Variants in PPP2R2B observed in about 807,000 individuals in gnomAD.
PPP2R2B encodes the protein serine/threonine-protein phosphatase 2A 55 kDa regulatory subunit B beta isoform.
In PPP2R2B, 5 loss-of-function variants were observed where a neutral mutation model predicts 46.0. That is an observed-to-expected ratio of 0.11 (90% CI 0.06 to 0.23). The LOEUF (loss-of-function observed/expected upper bound fraction) is 0.23, where lower values mean the gene tolerates loss of function less well. Among genes scored for constraint, PPP2R2B ranks in the 10% least tolerant of loss-of-function variants. The pLI is 1.00. For missense variants in PPP2R2B, 367 were observed against 575.0 expected, an observed-to-expected ratio of 0.64 and a Z score of 3.70; for synonymous variants, 215 against 206.7, an observed-to-expected ratio of 1.04 and a Z score of -0.34.
At position 146,768,871 on chromosome 5, in the gene PPP2R2B, G is replaced by A. The variant is rs1474546537; in HGVS notation, c.71-67729C>T. Among the ~76,000 whole-genome samples, 4 of 147,252 alleles carry A rather than the reference G, an allele frequency of 2.7e-5. No individual in the cohort carries two copies. In the East Asian group the frequency reaches 8.0e-4, roughly 29 times the overall value. On this transcript the variant is annotated intron_variant, in intron 2 of 9. Coordinates refer to ENST00000394411, the MANE Select transcript of PPP2R2B (RefSeq NM_181675.4). Reference sequence around the variant, plus strand: ...GTCAGCTTAACTATCTTATCGTCAGGCAAAGATTTGTTGTTACTTTTTTTT... The same window carrying A: ...GTCAGCTTAACTATCTTATCGTCAGACAAAGATTTGTTGTTACTTTTTTTT...
At chr5:146,983,824 T>C (rs181066470) in intron 1 of PPP2R2B, among the ~76,000 whole-genome samples, 4 of 152,174 alleles carry the variant, frequency 2.6e-5, no homozygotes, top group East Asian at 1.9e-4. Context: ...TCTTCTTTTA[T>C]AATTTTTTTT....
At chr5:146,754,225 A>G (rs193117058) in intron 2 of PPP2R2B, among the ~76,000 whole-genome samples, 44 of 152,290 alleles carry the variant, frequency 2.9e-4, no homozygotes, top group Middle Eastern at 3.4e-3. Context: ...TTCTGCATCA[A>G]TGCATTTTTA....
chr5:147,030,842 T>C (rs1178176136), intron 1 of PPP2R2B, among the ~76,000 whole-genome samples: 1 of 152,222 alleles, frequency 6.6e-6, no homozygotes, highest in Non-Finnish European at 1.5e-5. Flanking sequence ...CTGTTCATTT[T>C]TCTATCAACA....
chr5:146,829,754 C>T, intron 2 of PPP2R2B, among the ~76,000 whole-genome samples: 1 of 152,204 alleles, frequency 6.6e-6, no homozygotes, highest in Non-Finnish European at 1.5e-5. Flanking sequence ...TCTATCCCTA[C>T]AGACCTCCAT....
chr5:146,906,306 C>CATTTATTTATTTATTTATTT (rs35217325), intron 1 of PPP2R2B, among the ~76,000 whole-genome samples: 1 of 149,166 alleles, frequency 6.7e-6, no homozygotes, highest in Non-Finnish European at 1.5e-5. Flanking sequence ...TACCATTTTC[C>CATTTATTTATTTATTTATTT]ATTTATTTAT....
intron 2 of PPP2R2B, among the ~76,000 whole-genome samples, chr5:146,805,883 C>T (rs112106372): frequency 3.9e-5 from 6 of 152,108 alleles, no homozygotes; most frequent in African/African-American, 1.2e-4. Flanking sequence ...ATCGGCAGCT[C>T]GATGAGTCTG....
chr5:146,775,204 A>G (rs183455748), intron 2 of PPP2R2B, among the ~76,000 whole-genome samples: 16 of 152,330 alleles, frequency 1.1e-4, no homozygotes, highest in African/African-American at 2.9e-4. Flanking sequence ...AAAACTATAA[A>G]CTAACACATT....
chr5:146,878,428 G>T lies in PPP2R2B; in HGVS notation c.-125+163C>A, dbSNP rs1405510466. On this transcript the variant is annotated intron_variant, in intron 1 of 9. Coordinates refer to ENST00000394411, the MANE Select transcript of PPP2R2B (RefSeq NM_181675.4). This position sits in a 1 kb window ranked among gnomAD's most constrained non-coding sequence, Gnocchi z 4.5. ...CCGCCCGCCCCGGAGGCGCTCACAA[G>T]CGGGTCTGGGGAGATGCCCAACAGG... The T allele has an allele frequency of 3.5e-6, 4 of 1,154,754 alleles. No individual in the cohort carries two copies. Among genetic ancestry groups the T allele is most frequent in the Non-Finnish European group, 4.6e-6 (4 of 862,328 alleles). The allele number at this position is 1,154,754 out of a possible 1,614,324, so 71.5% of individuals were successfully genotyped here. A position where few individuals can be genotyped will look rare whatever the true frequency, so the allele number is the denominator to read the frequency against.
At position 146,586,236 on chromosome 5, in the gene PPP2R2B, T is replaced by C. The variant is rs898172799; in HGVS notation, c.*3711A>G. ...GATTTGTTTTGGAAGTGGGGTGGCA[T>C]TATTAAAAACACACCGGCTTCATCC... On this transcript the variant is annotated 3_prime_UTR_variant, in exon 10 of 10. Transcript: ENST00000394411. The C allele has an allele frequency of 1.3e-5, 2 of 152,266 alleles. No homozygotes were observed. The highest frequency in any genetic ancestry group is 2.9e-5 in the Non-Finnish European group (2 of 68,110). 9.4% of individuals were successfully genotyped at this position (152,266 alleles called of 1,614,324 possible). A position where few individuals can be genotyped will look rare whatever the true frequency, so the allele number is the denominator to read the frequency against.
rs561673893 is a variant in PPP2R2B, at chr5:146,602,738, T to C, written c.791-2278A>G. On this transcript the variant is annotated intron_variant, in intron 7 of 9. Coordinates refer to ENST00000394411, the MANE Select transcript of PPP2R2B (RefSeq NM_181675.4). ...CAACAAAAGCCCTGATCAATCAGAA[T>C]TGAAATTGCAAAAATTTTAAAAAAA... Among the ~76,000 whole-genome samples, 70 of 152,272 alleles carry C rather than the reference T, an allele frequency of 4.6e-4. 1 individual carries two copies. In the Middle Eastern group the frequency reaches 0.01, roughly 22 times the overall value.
At chr5:146,717,594 C>T (rs977297080) in intron 2 of PPP2R2B, among the ~76,000 whole-genome samples, 1 of 152,196 alleles carries the variant, frequency 6.6e-6, no homozygotes, top group Non-Finnish European at 1.5e-5. Context: ...TCAAATATAC[C>T]TCCTGCTTCT....
At chr5:146,681,004 C>A (rs1778133771) in intron 5 of PPP2R2B, among the ~76,000 whole-genome samples, 1 of 152,092 alleles carries the variant, frequency 6.6e-6, no homozygotes, top group South Asian at 2.1e-4. Context: ...TGCACACTAC[C>A]CCTAGGGAAA....
intron 2 of PPP2R2B, among the ~76,000 whole-genome samples, chr5:146,801,945 A>C (rs1369521067): frequency 3.3e-5 from 5 of 152,244 alleles, no homozygotes; most frequent in Non-Finnish European, 7.3e-5. Context: ...AGGGAGGAGC[A>C]GCTGCATGTG....
intron 2 of PPP2R2B, among the ~76,000 whole-genome samples, chr5:146,840,840 T>C (rs1442749303): frequency 1.3e-5 from 2 of 152,212 alleles, no homozygotes; most frequent in Non-Finnish European, 2.9e-5. Context: ...GTGTGAGACA[T>C]TGTGATGGTA....
rs144604744 is a variant in PPP2R2B, at chr5:146,649,128, G to A, written c.625+1419C>T. ...ACAGTGGCTTATGCTAGTGTAGGTAGGTAGATAGGGATATATGCGTTGATT... is the reference window on the plus strand; with the variant it reads ...ACAGTGGCTTATGCTAGTGTAGGTAAGTAGATAGGGATATATGCGTTGATT... On this transcript the variant is annotated intron_variant, in intron 6 of 9. Transcript: ENST00000394411. 5.3e-5 allele frequency among the ~76,000 whole-genome samples: 8 copies of A among 152,294 alleles called. No homozygotes were observed. The East Asian group carries it at 1.5e-3, about 29-fold the overall frequency.
chr5:146,709,206 G>T (rs1019948764), intron 2 of PPP2R2B, among the ~76,000 whole-genome samples: 1 of 152,192 alleles, frequency 6.6e-6, no homozygotes, highest in Non-Finnish European at 1.5e-5. Context: ...AATACAGATA[G>T]AAGGGTCCAA....
intron 1 of PPP2R2B, among the ~76,000 whole-genome samples, chr5:146,938,595 G>A (rs1764226494): frequency 6.6e-6 from 1 of 151,872 alleles, no homozygotes; most frequent in South Asian, 2.1e-4. Context: ...TTACTCCTGT[G>A]AAAAAATATA....
chr5:146,996,089 G>A (rs1367273624), intron 1 of PPP2R2B, among the ~76,000 whole-genome samples: 3 of 152,146 alleles, frequency 2.0e-5, no homozygotes, highest in Non-Finnish European at 4.4e-5. Context: ...TATTTTTCAG[G>A]ACCAAGGACA....
chr5:146,903,044 G>C (rs1762885540), intron 1 of PPP2R2B, among the ~76,000 whole-genome samples: 1 of 152,174 alleles, frequency 6.6e-6, no homozygotes, highest in Non-Finnish European at 1.5e-5. Context: ...TATTACAACA[G>C]ACTGCAGAAG....
Sources: gnomAD v4.1 joint callset for allele counts (sites outside exome capture counted in the v4.1 genomes callset) on GRCh38, gnomAD v4.1.1 for gene constraint, Gnocchi (gnomAD v3.1) non-coding constraint, MANE v1.5 for transcripts, NCBI Gene and HGNC (gene_info 2026-07-23, HGNC 2026-07-21) for gene names.